Variants in DACH2 observed in about 807,000 individuals in gnomAD.
DACH2 encodes dachshund family transcription factor 2.
In DACH2, 17 loss-of-function variants were observed where a neutral mutation model predicts 35.8. The ratio of observed to expected loss-of-function variants is 0.48; its 90% confidence interval spans 0.33 to 0.71. DACH2 has a LOEUF of 0.71. Among genes scored for constraint, DACH2 ranks in the 30% least tolerant of loss-of-function variants. The probability of loss-of-function intolerance (pLI) is 0.02; values close to 1 mark genes in which losing one functional copy is unlikely to be tolerated. For missense variants in DACH2, 469 were observed against 472.7 expected, an observed-to-expected ratio of 0.99 and a Z score of 0.07; for synonymous variants, 195 against 177.3, an observed-to-expected ratio of 1.10 and a Z score of -0.79.
intron 2 of DACH2, among the ~76,000 whole-genome samples, chrX:86,421,032 C>G (rs1172562099): frequency 1.8e-5 from 2 of 111,138 alleles, no homozygotes; most frequent in African/African-American, 6.5e-5. Context: ...TCCACTTATT[C>G]AAGCAGAAAA....
chrX:86,214,589 A>G (rs2032526021), intron 1 of DACH2, among the ~76,000 whole-genome samples: 1 of 112,062 alleles, frequency 8.9e-6, no homozygotes, highest in Admixed American at 9.5e-5. Context: ...TTCTATCACT[A>G]TATCACCATT....
chrX:86,639,457 A>C (rs762517665), intron 3 of DACH2, among the ~76,000 whole-genome samples: 108 of 111,470 alleles, frequency 9.7e-4, no homozygotes, highest in African/African-American at 3.4e-3. Flanking sequence ...CTGGAGCCTT[A>C]AATACTTGGG....
intron 2 of DACH2, among the ~76,000 whole-genome samples, chrX:86,446,069 C>A (rs1228370335): frequency 2.7e-5 from 3 of 110,683 alleles, no homozygotes. Flanking sequence ...TTATTATATT[C>A]TCTTGCTGAA....
At chrX:86,312,957 A>G (rs1460627892) in intron 1 of DACH2, among the ~76,000 whole-genome samples, 1 of 111,827 alleles carries the variant, frequency 8.9e-6, no homozygotes, top group Non-Finnish European at 1.9e-5. Flanking sequence ...TACAAAGATA[A>G]TGCTAGATAA....
chrX:86,360,873 T>G (rs1318710623), intron 1 of DACH2, among the ~76,000 whole-genome samples: 1 of 111,589 alleles, frequency 9.0e-6, no homozygotes, highest in East Asian at 2.8e-4. Flanking sequence ...CTTTAATATT[T>G]ATTTTTGAGT....
chrX:86,335,379 C>T (rs141689450), intron 1 of DACH2, among the ~76,000 whole-genome samples: 1 of 112,062 alleles, frequency 8.9e-6, no homozygotes, highest in East Asian at 2.8e-4. Flanking sequence ...TTCTTCCTAT[C>T]CATAACATGA....
chrX:86,610,381 C>CTTTG (rs2039920026), intron 3 of DACH2, among the ~76,000 whole-genome samples: 1 of 61,938 alleles, frequency 1.6e-5, no homozygotes, highest in African/African-American at 8.6e-5. Context: ...TTCTTTCTTT[C>CTTTG]TTTCTTTCTT....
At chrX:86,548,912 T>G (rs1212166792) in intron 3 of DACH2, among the ~76,000 whole-genome samples, 1 of 112,143 alleles carries the variant, frequency 8.9e-6, no homozygotes, top group African/African-American at 3.2e-5. Context: ...GACCAATGTT[T>G]TAAAGAATAG....
At chrX:86,181,918 C>T (rs1217196507) in intron 1 of DACH2, among the ~76,000 whole-genome samples, 1 of 112,167 alleles carries the variant, frequency 8.9e-6, no homozygotes, top group Non-Finnish European at 1.9e-5. Flanking sequence ...TTTTGATTTG[C>T]ATTTCTCTAA....
intron 2 of DACH2, among the ~76,000 whole-genome samples, chrX:86,420,126 A>G (rs746029881): frequency 8.9e-6 from 1 of 112,058 alleles, no homozygotes; most frequent in South Asian, 3.7e-4. Context: ...GGATCCTCAT[A>G]GAGAACAAAA....
intron 1 of DACH2, among the ~76,000 whole-genome samples, chrX:86,338,835 A>G (rs891835316): frequency 8.9e-6 from 1 of 111,960 alleles, no homozygotes; most frequent in African/African-American, 3.2e-5. Flanking sequence ...ACTAATAAAG[A>G]AGAAAAGAGA....
chrX:86,566,046 A>C (rs771098769), intron 3 of DACH2, among the ~76,000 whole-genome samples: 2 of 112,112 alleles, frequency 1.8e-5, no homozygotes, highest in Admixed American at 1.9e-4. Context: ...CTGTGTGTTA[A>C]ATGCAATAGC....
intron 1 of DACH2, among the ~76,000 whole-genome samples, chrX:86,232,656 C>A (rs976044385): frequency 1.8e-5 from 2 of 111,932 alleles, no homozygotes; most frequent in African/African-American, 6.5e-5. Context: ...TCACACCAGT[C>A]AGAATGGCTA....
At chrX:86,763,539 C>T (rs1321279421) in intron 7 of DACH2, among the ~76,000 whole-genome samples, 2 of 111,743 alleles carry the variant, frequency 1.8e-5, no homozygotes, top group Non-Finnish European at 3.8e-5. Flanking sequence ...CTGCAACCTC[C>T]GCCTCCTGGG....
chrX:86,293,228 A>G (rs1418720979), intron 1 of DACH2, among the ~76,000 whole-genome samples: 19 of 93,773 alleles, frequency 2.0e-4, no homozygotes, highest in Admixed American at 6.5e-4. Flanking sequence ...AGTCTGTTGT[A>G]TCAGAGACTA....
intron 3 of DACH2, among the ~76,000 whole-genome samples, chrX:86,535,679 T>A (rs1335575070): frequency 1.8e-5 from 2 of 109,950 alleles, no homozygotes; most frequent in Non-Finnish European, 3.8e-5. Flanking sequence ...TGGCAGCCTG[T>A]GGCAAGAGAG....
intron 6 of DACH2, among the ~76,000 whole-genome samples, chrX:86,719,752 C>A (rs2148464060): frequency 9.2e-6 from 1 of 109,256 alleles, no homozygotes; most frequent in African/African-American, 3.3e-5. Flanking sequence ...ATTCAATTAC[C>A]TCTACCTGGT....
In DACH2 at chrX:86,201,535, G is replaced by C. The variant is rs892802093; in HGVS notation, c.488+52427G>C. Among the ~76,000 whole-genome samples, 5 of 111,007 alleles carry C rather than the reference G, an allele frequency of 4.5e-5. No individual in the cohort carries two copies. In the Admixed American group the frequency reaches 4.8e-4, roughly 11 times the overall value. On this transcript the variant is annotated intron_variant, in intron 1 of 11. Coordinates refer to ENST00000373125, the MANE Select transcript of DACH2 (RefSeq NM_053281.3). ...TTGTTCATTGTAAAATACCTAATCT[G>C]TTTATTGCCATCTCTTAAGCTACTT...
intron 2 of DACH2, among the ~76,000 whole-genome samples, chrX:86,402,691 T>C (rs2036455091): frequency 1.8e-5 from 2 of 111,602 alleles, no homozygotes; most frequent in South Asian, 3.8e-4. Flanking sequence ...CTACAATTCA[T>C]ATAGAACCAA....
Sources: allele counts gnomAD v4.1 joint callset (sites outside exome capture counted in the v4.1 genomes callset), GRCh38; gene constraint gnomAD v4.1.1; transcripts MANE v1.5; gene names NCBI Gene and HGNC (gene_info 2026-07-23, HGNC 2026-07-21).